COL9A3: variants seen among roughly 807,000 people sequenced by gnomAD.
COL9A3 encodes collagen alpha-3(IX) chain.
A neutral mutation model predicts 110.2 loss-of-function variants in COL9A3; 82 were observed. The observed-to-expected ratio is 0.74, with a 90% confidence interval of 0.62 to 0.89. The LOEUF (loss-of-function observed/expected upper bound fraction) is 0.89, where lower values mean the gene tolerates loss of function less well. Among genes scored for constraint, COL9A3 ranks in the 40% least tolerant of loss-of-function variants. The probability of loss-of-function intolerance (pLI) is 0.00; values close to 1 mark genes in which losing one functional copy is unlikely to be tolerated. For missense variants in COL9A3, 1,066 were observed against 981.3 expected (o/e 1.09, Z -1.15); for synonymous variants, 494 against 403.8 (o/e 1.22, Z -2.68).
chr20:62,840,996 A>T lies in COL9A3; in HGVS notation c.*264A>T. ...GGTGTGTATATATAAAAGGTTGTGT[A>T]CAACTCCACGAGGTGAAAAATATTC... On this transcript the variant is annotated 3_prime_UTR_variant, in exon 32 of 32. Coordinates refer to ENST00000649368, the MANE Select transcript of COL9A3 (RefSeq NM_001853.4). 2.1e-6 allele frequency: 1 copy of T among 480,810 alleles called. No individual in the cohort carries two copies. Among genetic ancestry groups the T allele is most frequent in the East Asian group, 3.9e-5 (1 of 25,958 alleles). The allele number at this position is 480,810 out of a possible 1,614,324, so 29.8% of individuals were successfully genotyped here.
At chr20:62,831,948 G>A in intron 24 of COL9A3, 1 of 643,170 alleles carries the variant, frequency 1.6e-6, no homozygotes, top group East Asian at 2.7e-5. Context: ...TACCCACAAG[G>A]GGAGGCTGGA....
intron 30 of COL9A3, among the ~76,000 whole-genome samples, chr20:62,837,684 G>A (rs562802031): frequency 2.0e-5 from 3 of 152,274 alleles, no homozygotes; most frequent in East Asian, 1.9e-4. Flanking sequence ...GCACACGCCT[G>A]TAATCCCAGC....
rs1165966322 is a variant in COL9A3 at position 62,829,615 on chromosome 20, CCTT to C, written c.1054-11_1054-9del. On this transcript the variant is annotated splice_polypyrimidine_tract_variant and intron_variant, in intron 20 of 31. Coordinates refer to ENST00000649368, the MANE Select transcript of COL9A3 (RefSeq NM_001853.4). ...GGTGTAGGCAGGCACTCACAGCTCT[CCTT>C]CCTCTACAGGGCAGAGCTGGGGAGC... is the stretch of plus-strand genomic sequence containing the variant. 1.9e-6 allele frequency: 3 copies of C among 1,609,740 alleles called. No individual in the cohort carries two copies. The highest frequency in any genetic ancestry group is 1.1e-5 in the South Asian group (1 of 90,558).
At chr20:62,817,199 C>G in intron 1 of COL9A3, 57 bp downstream of exon 1, 1 of 1,227,022 alleles carries the variant, frequency 8.1e-7, no homozygotes, top group Middle Eastern at 3.1e-4. Flanking sequence ...GCCCCAGCCC[C>G]GAACCCGCCA....
Position 62,821,800 on chromosome 20 carries a change from G to A in COL9A3, c.413G>A (p.Arg138His), listed in dbSNP as rs199846937. The A allele has an allele frequency of 1.0e-4, 163 of 1,604,700 alleles. No homozygotes were observed. The highest frequency in any genetic ancestry group is 2.5e-4 in the East Asian group (11 of 44,790). The change falls in exon 8 of 32, where the codon CGC (arginine) becomes CAC (histidine). Residue 138 changes from arginine to histidine, a missense_variant. Transcript: ENST00000649368. ...GGCCCCCCAGGTGGGATCGGCCTCCGCGGCCCCCCGGTGAGTGGCTGTCCC... is the reference window on the plus strand; with the variant it reads ...GGCCCCCCAGGTGGGATCGGCCTCCACGGCCCCCCGGTGAGTGGCTGTCCC... The part of the protein sequence containing the change: ...VSGPPGGIGL[R>H]GPPGPSGLPG...
At chr20:62,836,154 G>A (rs774519174) in intron 27 of COL9A3, 33 bp from the exon 28 acceptor site, 44 of 1,609,670 alleles carry the variant, frequency 2.7e-5, no homozygotes, top group Middle Eastern at 1.7e-4. Flanking sequence ...TCCTGGGCTC[G>A]CCCCTGACCC....
chr20:62,828,110 A>ACAGCCCCG (rs1231300239), intron 17 of COL9A3, 134 bp downstream of exon 17: 3 of 879,526 alleles, frequency 3.4e-6, no homozygotes, highest in African/African-American at 1.7e-5. Context: ...TAACGGTGGA[A>ACAGCCCCG]CAGCCCCGCA....
Position 62,837,067 on chromosome 20 carries a change from C to A in COL9A3, c.1604-16C>A. On this transcript the variant is annotated splice_polypyrimidine_tract_variant and intron_variant, in intron 29 of 31. Transcript: ENST00000649368. ...TCCTCTCTCGAGTAAACGCCTGCACCCTTGTTTTCCCAAAGAACAAATTGC... is the reference window on the plus strand; with the variant it reads ...TCCTCTCTCGAGTAAACGCCTGCACACTTGTTTTCCCAAAGAACAAATTGC... 2 of 1,612,256 alleles carry A rather than the reference C, an allele frequency of 1.2e-6. No homozygotes were observed. The highest frequency in any genetic ancestry group is 1.3e-5 in the African/African-American group (1 of 75,012).
chr20:62,829,981 C>T (rs1036998486), intron 22 of COL9A3, among the ~76,000 whole-genome samples, 162 bp downstream of exon 22: 5 of 152,170 alleles, frequency 3.3e-5, no homozygotes, highest in Admixed American at 2.6e-4. Context: ...TCTTGTCCCT[C>T]ACCCGCTGGG....
At chr20:62,834,513 T>C (rs1408127660) in intron 26 of COL9A3, among the ~76,000 whole-genome samples, 1 of 152,202 alleles carries the variant, frequency 6.6e-6, no homozygotes, top group Non-Finnish European at 1.5e-5. Context: ...AGTCTTTCCT[T>C]TGCGTCTGGG....
intron 25 of COL9A3, 141 bp downstream of exon 25, chr20:62,832,330 C>A: frequency 1.7e-6 from 1 of 596,614 alleles, no homozygotes. Flanking sequence ...GTCTGTCAGT[C>A]GCCCTTTCTG....
intron 26 of COL9A3, among the ~76,000 whole-genome samples, chr20:62,834,504 G>A (rs1001412419): frequency 1.3e-5 from 2 of 152,192 alleles, no homozygotes; most frequent in African/African-American, 4.8e-5. Context: ...CTATGATTAA[G>A]TCTTTCCTTT....
In COL9A3 at chr20:62,827,277, G is replaced by A. The variant is rs751668107; in HGVS notation, c.829G>A (p.Gly277Ser). Residue 277 changes from glycine (G) to serine (S), a missense_variant, in exon 16 of 32, where the codon GGC (glycine) becomes AGC (serine). Coordinates refer to ENST00000649368, the MANE Select transcript of COL9A3 (RefSeq NM_001853.4). ...CGAGAGGGGCCCAGAAGGGTTCCGC[G>A]GCCCCAAGGGTGACCTCGTAAGTGA... ...RGERGPEGFRGPKGDLGRPGP... is the reference protein window; with the variant it reads ...RGERGPEGFRSPKGDLGRPGP... 9.9e-6 allele frequency: 16 copies of A among 1,613,048 alleles called. No individual in the cohort carries two copies. Among genetic ancestry groups the A allele is most frequent in the Non-Finnish European group, 1.2e-5 (14 of 1,179,952 alleles).
rs1479738561 is a variant in COL9A3 at position 62,835,955 on chromosome 20, T to C, written c.1401+2T>C. The C allele has an allele frequency of 6.2e-7, 1 of 1,613,942 alleles. No individual in the cohort carries two copies. Among genetic ancestry groups the C allele is most frequent in the South Asian group, 1.1e-5 (1 of 91,076 alleles). ...GGCCTGGTCGGACCCAAAGGAGAGG[T>C]GAGTGCCCGGCGACTGTTCCGATGA... On this transcript the variant is annotated splice_donor_variant, in intron 27 of 31. Coordinates refer to ENST00000649368, the MANE Select transcript of COL9A3 (RefSeq NM_001853.4). LOFTEE classifies it high-confidence loss of function.
chr20:62,829,375 T>A (rs2063577779), intron 19 of COL9A3, 80 bp from the exon 20 acceptor site: 1 of 1,578,216 alleles, frequency 6.3e-7, no homozygotes. Flanking sequence ...CCCTGCACCC[T>A]GCCTGCGTGC....
At chr20:62,832,117 C>T (rs371790046) in intron 24 of COL9A3, 37 bp from the exon 25 acceptor site, 1 of 1,605,410 alleles carries the variant, frequency 6.2e-7, no homozygotes, top group Admixed American at 1.7e-5. Flanking sequence ...GGGATTCCTG[C>T]CATTCCTCTA....
Position 62,821,741 on chromosome 20 carries a change from CTT to C in COL9A3, c.370-14_370-13del. On this transcript the variant is annotated splice_polypyrimidine_tract_variant and intron_variant, in intron 7 of 31. Transcript: ENST00000649368. ...TCCGGGTGCAGACCTCCCCACCTCT[CTT>C]TACTTCCCTCCAGGGAGAGGCAGGA... 6.2e-7 allele frequency: 1 copy of C among 1,609,182 alleles called. No individual in the cohort carries two copies. The highest frequency in any genetic ancestry group is 2.2e-5 in the East Asian group (1 of 44,812).
chr20:62,830,651 C>T (rs201886241), intron 24 of COL9A3, 63 bp downstream of exon 24: 1 of 609,386 alleles, frequency 1.6e-6, no homozygotes, highest in Admixed American at 3.5e-5. Flanking sequence ...CACAGTCCCC[C>T]ACCCCCATGA....
At chr20:62,826,017 G>T (rs991732944) in intron 13 of COL9A3, 147 bp downstream of exon 13, 5 of 1,124,204 alleles carry the variant, frequency 4.4e-6, no homozygotes, top group Non-Finnish European at 5.1e-6. Context: ...CCTGGCTGGG[G>T]GTCCCACCTC....
Sources: allele counts gnomAD v4.1 joint callset (sites outside exome capture counted in the v4.1 genomes callset), GRCh38; gene constraint gnomAD v4.1.1; transcripts MANE v1.5; gene names NCBI Gene and HGNC (gene_info 2026-07-23, HGNC 2026-07-21).